G6PC3: variants seen among roughly 807,000 people sequenced by gnomAD.
G6PC3 encodes glucose-6-phosphatase 3.
G6PC3 carries 30 observed loss-of-function variants against 38.6 expected under a neutral mutation model. The ratio of observed to expected loss-of-function variants is 0.78; its 90% CI spans 0.58 to 1.05. The LOEUF (loss-of-function observed/expected upper bound fraction) is 1.05. Among genes scored for constraint, G6PC3 ranks in the 50% least tolerant of loss-of-function variants. G6PC3 has a pLI of 0.00. For synonymous variants in G6PC3, 192 were observed against 178.1 expected (o/e 1.08, Z -0.62); for missense variants, 377 against 443.1 (o/e 0.85, Z 1.34).
In G6PC3 at chr17:44,074,373, A is replaced by G. The variant is rs934924730; in HGVS notation, c.325+107A>G. On this transcript the variant is annotated intron_variant, in intron 2 of 5. Coordinates refer to ENST00000269097, the MANE Select transcript of G6PC3 (RefSeq NM_138387.4). The stretch of plus-strand genomic sequence containing the variant: ...GCCCAACCAAAGGACCAGCCTCTCA[A>G]TTACTGGCGCAGAGAACAAAAGAAC... 10 of 914,824 alleles carry G rather than the reference A, an allele frequency of 1.1e-5. No individual in the cohort carries two copies. The African/African-American group carries it at 1.1e-4, about 10-fold the overall frequency. The allele number at this position is 914,824 out of a possible 1,614,324, so 56.7% of individuals were successfully genotyped here. A position where few individuals can be genotyped will look rare whatever the true frequency, so the allele number is the denominator to read the frequency against.
chr17:44,075,293 TCACTC>T lies in G6PC3; in HGVS notation c.536-11_536-7del, dbSNP rs754931461. On this transcript the variant is annotated splice_polypyrimidine_tract_variant and intron_variant, in intron 4 of 5. Coordinates refer to ENST00000269097, the MANE Select transcript of G6PC3 (RefSeq NM_138387.4). ...ATCCCCAGACTCCTTGAAGCTGTTG[TCACTC>T]CACTCTCCTAGGCGCTGTCCTGGGC... 6.8e-6 allele frequency: 11 copies of T among 1,613,908 alleles called. No homozygotes were observed. Among genetic ancestry groups the T allele is most frequent in the African/African-American group, 1.3e-5 (1 of 74,922 alleles).
Position 44,070,974 on chromosome 17 carries a change from C to T in G6PC3, c.9C>T (p.Ser3=), listed in dbSNP as rs201749454. The T allele has an allele frequency of 1.5e-5, 23 of 1,552,538 alleles. 1 individual carries two copies. The African/African-American group carries it at 2.6e-4, about 17-fold the overall frequency. ...TCGGCAGCTGGGCCGCCATGGAGTC[C>T]ACGCTGGGCGCGGGCATCGTGATAG... The part of the protein sequence containing the change: ME[S]TLGAGIVIAE... The change falls in exon 1 of 6, where the codon TCC becomes TCT. Residue 3 remains serine, a synonymous_variant. Coordinates refer to ENST00000269097, the MANE Select transcript of G6PC3 (RefSeq NM_138387.4).
rs749323537 is a variant in G6PC3 at position 44,074,129 on chromosome 17, G to A, written c.219-31G>A. ...ACCCCCCCTGGCTGTGTGTGCATGTGGAAAGTCATCTTGCATCTGTTCTCT... is the reference window on the plus strand; with the variant it reads ...ACCCCCCCTGGCTGTGTGTGCATGTAGAAAGTCATCTTGCATCTGTTCTCT... On this transcript the variant is annotated intron_variant, in intron 1 of 5. Transcript: ENST00000269097. The A allele has an allele frequency of 4.0e-6, 6 of 1,505,354 alleles. No individual in the cohort carries two copies. The South Asian group carries it at 4.5e-5, about 11-fold the overall frequency. 93.2% of individuals were successfully genotyped at this position (1,505,354 alleles called of 1,614,324 possible).
In G6PC3 at chr17:44,075,078, C is replaced by A. The variant is rs761833218; in HGVS notation, c.526C>A (p.Leu176Ile). Residue 176 changes from leucine (L) to isoleucine (I), a missense_variant, in exon 4 of 6, where the codon CTA (leucine) becomes ATA (isoleucine). Transcript: ENST00000269097. Reference sequence around the variant, plus strand: ...TTTCCCTCACCAGGTGCTGGCTGGCCTAATAACTGGTGAGCAACTGGGGCA... The same window carrying A: ...TTTCCCTCACCAGGTGCTGGCTGGCATAATAACTGGTGAGCAACTGGGGCA... Reference protein sequence around the residue: ...AHFPHQVLAGLITGAVLGWLM... With the variant: ...AHFPHQVLAGIITGAVLGWLM... 1 of 1,613,506 alleles carries A rather than the reference C, an allele frequency of 6.2e-7. No individual in the cohort carries two copies. Among genetic ancestry groups the A allele is most frequent in the South Asian group, 1.1e-5 (1 of 91,070 alleles).
intron 1 of G6PC3, chr17:44,071,605 A>G: frequency 7.9e-7 from 1 of 1,262,652 alleles, no homozygotes. Context: ...TCATGTATTC[A>G]TTCATTTGCT....
chr17:44,075,867 C>T lies in G6PC3; in HGVS notation c.865C>T (p.Leu289=), dbSNP rs1243778836. Residue 289 remains leucine (L), a synonymous_variant, in exon 6 of 6, where the codon CTG becomes TTG. Coordinates refer to ENST00000269097, the MANE Select transcript of G6PC3 (RefSeq NM_138387.4). The part of the protein sequence containing the change: ...GNGQKIACLV[L]AMGLLGPLDW... ...TGGCCAGAAGATAGCCTGCCTTGTG[C>T]TGGCCATGGGGCTGCTGGGCCCCCT... is the stretch of plus-strand genomic sequence containing the variant. 6.2e-7 allele frequency: 1 copy of T among 1,612,538 alleles called. No individual in the cohort carries two copies. The highest frequency in any genetic ancestry group is 8.5e-7 in the Non-Finnish European group (1 of 1,180,012).
intron 1 of G6PC3, chr17:44,072,389 G>A (rs1268021372): frequency 2.7e-5 from 4 of 145,734 alleles, no homozygotes; most frequent in African/African-American, 1.0e-4. Context: ...GAGTGCAGTG[G>A]TGCAATCTTG....
Position 44,075,916 on chromosome 17 carries a change from A to C in G6PC3, c.914A>C (p.Gln305Pro), listed in dbSNP as rs1597911876. 6.2e-7 allele frequency: 1 copy of C among 1,612,978 alleles called. No homozygotes were observed. The highest frequency in any genetic ancestry group is 1.1e-5 in the South Asian group (1 of 91,084). ...CTGGACTGGCTGGGCCACCCCCCTC[A>C]GATCAGCCTCTTCTACATTTTCAAT... Reference protein sequence around the residue: ...GPLDWLGHPPQISLFYIFNFL... With the variant: ...GPLDWLGHPPPISLFYIFNFL... Residue 305 changes from glutamine to proline, a missense_variant, in exon 6 of 6, where the codon CAG (glutamine) becomes CCG (proline). Physicochemically the swap from Gln to Pro is moderately conservative, Grantham distance 76 (BLOSUM62 -1). Transcript: ENST00000269097.
At chr17:44,074,409 C>A in intron 2 of G6PC3, 143 bp downstream of exon 2, 1 of 783,136 alleles carries the variant, frequency 1.3e-6, no homozygotes, top group Non-Finnish European at 2.3e-6. Context: ...CCCAGGGAGA[C>A]CAAGCTGAGT....
In G6PC3 at chr17:44,070,946, T is replaced by C. The variant is rs1440751018; in HGVS notation, c.-20T>C. ...TTCCGCCCTGGAGCAAGCCGGGGCC[T>C]GGTCGGCAGCTGGGCCGCCATGGAG... On this transcript the variant is annotated 5_prime_UTR_variant, in exon 1 of 6. Coordinates refer to ENST00000269097, the MANE Select transcript of G6PC3 (RefSeq NM_138387.4). The C allele has an allele frequency of 1.3e-6, 2 of 1,548,418 alleles. No individual in the cohort carries two copies. Among genetic ancestry groups the C allele is most frequent in the Non-Finnish European group, 1.7e-6 (2 of 1,146,944 alleles).
chr17:44,075,710 G>A lies in G6PC3; in HGVS notation c.708G>A (p.Glu236=), dbSNP rs2144154964. ...TCAGCCTAGCCTTCAAGTGGTGTGA[G>A]CGGCCTGAGTGGATACACGTGGATA... ...WSISLAFKWC[E]RPEWIHVDSR... is the part of the protein sequence containing the mutation. The change falls in exon 6 of 6, where the codon GAG becomes GAA. Residue 236 remains glutamate (E), a synonymous_variant. Coordinates refer to ENST00000269097, the MANE Select transcript of G6PC3 (RefSeq NM_138387.4). 1.2e-6 allele frequency: 2 copies of A among 1,612,404 alleles called. No individual in the cohort carries two copies. The highest frequency in any genetic ancestry group is 1.3e-5 in the African/African-American group (1 of 75,054).
rs1485073209 is a variant in G6PC3 at position 44,075,034 on chromosome 17, G to A, written c.482G>A (p.Arg161Gln). The change falls in exon 4 of 6, where the codon CGA (arginine) becomes CAA (glutamine). Residue 161 changes from arginine (R) to glutamine (Q), a missense_variant. Coordinates refer to ENST00000269097, the MANE Select transcript of G6PC3 (RefSeq NM_138387.4). ...TTCCTTTTGGCGGTTGGCTTGTCGC[G>A]AATCTTCATCTTAGCACATTTCCCT... ...CTFLLAVGLS[R>Q]IFILAHFPHQ... The A allele has an allele frequency of 7.4e-6, 12 of 1,614,136 alleles. No homozygotes were observed. The highest frequency in any genetic ancestry group is 3.3e-5 in the South Asian group (3 of 91,084).
chr17:44,076,004 G>T lies in G6PC3; in HGVS notation c.1002G>T (p.Met334Ile), dbSNP rs770745949. ...CCCTCGTGCCCTGGGCAGTGCACATGTTCAGTGCCCAGGAAGCACCGCCCA... is the reference window on the plus strand; with the variant it reads ...CCCTCGTGCCCTGGGCAGTGCACATTTTCAGTGCCCAGGAAGCACCGCCCA... ...VLALVPWAVHMFSAQEAPPIH... is the reference protein window; with the variant it reads ...VLALVPWAVHIFSAQEAPPIH... The change falls in exon 6 of 6, where the codon ATG becomes ATT. Residue 334 changes from methionine (M) to isoleucine (I), a missense_variant. Physicochemically the swap from Met to Ile is conservative, Grantham distance 10 (BLOSUM62 1). Transcript: ENST00000269097. 5.6e-6 allele frequency: 9 copies of T among 1,613,040 alleles called. No homozygotes were observed. Among genetic ancestry groups the T allele is most frequent in the South Asian group, 2.2e-5 (2 of 91,096 alleles).
At position 44,071,171 on chromosome 17, in the gene G6PC3, T is replaced by TC. The variant is rs1191239079; in HGVS notation, c.207dup (p.Ile70HisfsTer17). The TC allele has an allele frequency of 4.3e-6, 7 of 1,613,304 alleles. No individual in the cohort carries two copies. Among genetic ancestry groups the TC allele is most frequent in the Non-Finnish European group, 4.2e-6 (5 of 1,179,928 alleles). Reference sequence around the variant, plus strand: ...AGCCTCATCACCGAGTGGCTCAACCTCATCTTCAAGTGGTGAGACAGAGAA... The same window carrying TC: ...AGCCTCATCACCGAGTGGCTCAACCTCCATCTTCAAGTGGTGAGACAGAGAA... On this transcript the variant is annotated frameshift_variant, in exon 1 of 6. Transcript: ENST00000269097.
Position 44,075,721 on chromosome 17 carries a change from G to A in G6PC3, c.719G>A (p.Trp240Ter). The change falls in exon 6 of 6, where the codon TGG becomes TAG. Residue 240 changes from tryptophan (W) to a stop codon, truncating the protein, a stop_gained. Coordinates refer to ENST00000269097, the MANE Select transcript of G6PC3 (RefSeq NM_138387.4). LOFTEE classifies it high-confidence loss of function. ...LAFKWCERPE[W>*]IHVDSRPFAS... ...TTCAAGTGGTGTGAGCGGCCTGAGT[G>A]GATACACGTGGATAGCCGGCCCTTT... 3 of 1,612,688 alleles carry A rather than the reference G, an allele frequency of 1.9e-6. No homozygotes were observed. The highest frequency in any genetic ancestry group is 2.5e-6 in the Non-Finnish European group (3 of 1,180,018).
Position 44,070,899 on chromosome 17 carries a change from G to A in G6PC3, c.-67G>A, listed in dbSNP as rs980389162. ...CTTTGGAGATCAGAGGGTCGACGCT[G>A]CTTCGTTGCCTGGACTCTGGTTTCC... On this transcript the variant is annotated 5_prime_UTR_variant, in exon 1 of 6. Transcript: ENST00000269097. 34 of 1,526,764 alleles carry A rather than the reference G, an allele frequency of 2.2e-5. No homozygotes were observed. The Admixed American group carries it at 3.3e-4, about 15-fold the overall frequency. The allele number at this position is 1,526,764 out of a possible 1,614,324, so 94.6% of individuals were successfully genotyped here. A position where few individuals can be genotyped will look rare whatever the true frequency, so the allele number is the denominator to read the frequency against.
chr17:44,074,350 C>T (rs2050036028), intron 2 of G6PC3, 84 bp downstream of exon 2: 1 of 1,100,558 alleles, frequency 9.1e-7, no homozygotes, highest in Non-Finnish European at 1.4e-6. Flanking sequence ...CCTGGGTGGC[C>T]CAACCAAAGG....
chr17:44,073,873 C>T (rs2050025745), intron 1 of G6PC3: 5 of 403,868 alleles, frequency 1.2e-5, no homozygotes, highest in Middle Eastern at 7.8e-4. Context: ...GGATTACAGT[C>T]ATGAGCCACT....
In G6PC3 at chr17:44,075,033, C is replaced by T. The variant is rs1056739194; in HGVS notation, c.481C>T (p.Arg161Ter). 11 of 1,614,014 alleles carry T rather than the reference C, an allele frequency of 6.8e-6. No homozygotes were observed. The highest frequency in any genetic ancestry group is 3.3e-5 in the Admixed American group (2 of 59,984). ...CTFLLAVGLS[R>*]IFILAHFPHQ... ...CTTCCTTTTGGCGGTTGGCTTGTCG[C>T]GAATCTTCATCTTAGCACATTTCCC... The change falls in exon 4 of 6, where the codon CGA becomes TGA. Residue 161 changes from arginine to a stop codon, truncating the protein, a stop_gained. Coordinates refer to ENST00000269097, the MANE Select transcript of G6PC3 (RefSeq NM_138387.4). LOFTEE classifies it high-confidence loss of function.
Sources: allele counts gnomAD v4.1 joint callset, GRCh38; gene constraint gnomAD v4.1.1; transcripts MANE v1.5; gene names NCBI Gene and HGNC (gene_info 2026-07-23, HGNC 2026-07-21).